Variants in DENND4A observed in about 807,000 individuals in gnomAD.
DENND4A encodes DENN domain containing 4A, also known as C-myc promoter-binding protein.
A neutral mutation model predicts 199.3 loss-of-function variants in DENND4A; 70 were observed. The ratio of observed to expected loss-of-function variants is 0.35; its 90% CI spans 0.29 to 0.43. The LOEUF is 0.43. Among genes scored for constraint, DENND4A ranks in the 20% least tolerant of loss-of-function variants. The probability of loss-of-function intolerance (pLI) is 1.00; values close to 1 mark genes in which losing one functional copy is unlikely to be tolerated. For synonymous variants in DENND4A, 686 were observed against 766.9 expected, an observed-to-expected ratio of 0.89 and a Z score of 1.74; for missense variants, 1,723 against 2,255.8, an observed-to-expected ratio of 0.76 and a Z score of 4.78.
intron 11 of DENND4A, among the ~76,000 whole-genome samples, chr15:65,728,640 C>T (rs144337305): frequency 9.0e-4 from 137 of 152,024 alleles, no homozygotes; most frequent in African/African-American, 2.9e-3. Flanking sequence ...TGCGCCACCA[C>T]GCTCAGCTAA....
chr15:65,723,870 A>T (rs2075722691), intron 11 of DENND4A, among the ~76,000 whole-genome samples: 1 of 152,176 alleles, frequency 6.6e-6, no homozygotes, highest in African/African-American at 2.4e-5. Context: ...AACCATGGAA[A>T]ACCAGACTGT....
chr15:65,760,598 AG>A, intron 2 of DENND4A, among the ~76,000 whole-genome samples: 1 of 151,858 alleles, frequency 6.6e-6, no homozygotes, highest in East Asian at 1.9e-4. Context: ...CGTAGAAAGA[AG>A]GGTAAGAGGC....
At position 65,769,947 on chromosome 15, in the gene DENND4A, GT is replaced by G. The variant is rs949845014; in HGVS notation, c.-101-8510del. On this transcript the variant is annotated intron_variant, in intron 1 of 32. Transcript: ENST00000443035. The stretch of plus-strand genomic sequence containing the variant: ...GCACCAAAAACTTCAATTTCCAGCT[GT>G]TTTTTTTTTCTAATTCATAATATGG... Among the ~76,000 whole-genome samples the G allele has an allele frequency of 3.9e-4, 57 of 147,976 alleles. 1 individual carries two copies. In the East Asian group the frequency reaches 6.9e-3, roughly 18 times the overall value.
intron 14 of DENND4A, among the ~76,000 whole-genome samples, chr15:65,710,550 G>A (rs1183466526): frequency 1.3e-5 from 2 of 151,860 alleles, no homozygotes. Flanking sequence ...ATTCAAAGTT[G>A]GTAATGCCAG....
chr15:65,792,158 G>A lies in DENND4A; in HGVS notation c.-250C>T, dbSNP rs974281191. 6.5e-6 allele frequency: 1 copy of A among 152,784 alleles called. No individual in the cohort carries two copies. Among genetic ancestry groups the A allele is most frequent in the Non-Finnish European group, 1.5e-5 (1 of 68,204 alleles). 9.5% of individuals were successfully genotyped at this position (152,784 alleles called of 1,614,324 possible). ...CCCAGCCCGGCGCTCCGCCCTTCGC[G>A]GCACCCCCGCCCGCCCGCCCAGGCC... On this transcript the variant is annotated 5_prime_UTR_variant, in exon 1 of 33. Coordinates refer to ENST00000443035, the MANE Select transcript of DENND4A (RefSeq NM_001320835.1).
chr15:65,775,449 T>C (rs972388861), intron 1 of DENND4A, among the ~76,000 whole-genome samples: 12 of 151,834 alleles, frequency 7.9e-5, no homozygotes, highest in African/African-American at 2.9e-4. Flanking sequence ...AAGACCAGCC[T>C]GGCCAACATA....
In DENND4A at chr15:65,702,951, T is replaced by C. The variant is rs752949806; in HGVS notation, c.2145A>G (p.Leu715=). The change falls in exon 16 of 33, where the codon CTA becomes CTG. Residue 715 remains leucine, a synonymous_variant. Transcript: ENST00000443035. ...AAGGCAATTTGTTCTTCTTTGCTTGTAGAAATCCTTCAGGTCTTTCAAATA... is the reference window on the plus strand; with the variant it reads ...AAGGCAATTTGTTCTTCTTTGCTTGCAGAAATCCTTCAGGTCTTTCAAATA... ...NNLFERPEGF[L]QAKKNKLPSK... is the part of the protein sequence containing the mutation. 4 of 1,613,250 alleles carry C rather than the reference T, an allele frequency of 2.5e-6. No homozygotes were observed. The highest frequency in any genetic ancestry group is 3.3e-5 in the Admixed American group (2 of 60,010).
At chr15:65,707,848 G>C (rs1207596342) in intron 14 of DENND4A, among the ~76,000 whole-genome samples, 1 of 152,074 alleles carries the variant, frequency 6.6e-6, no homozygotes, top group Non-Finnish European at 1.5e-5. Flanking sequence ...ACCACACCCA[G>C]CTAATTTTTA....
chr15:65,696,258 T>G, intron 22 of DENND4A, 108 bp downstream of exon 22: 1 of 1,386,776 alleles, frequency 7.2e-7, no homozygotes. Flanking sequence ...GCACAAAATA[T>G]TTTTTAAAAT....
chr15:65,697,366 C>T lies in DENND4A; in HGVS notation c.2851G>A (p.Gly951Arg). The change falls in exon 21 of 33, where the codon GGA becomes AGA. Residue 951 changes from glycine to arginine, a missense_variant. Physicochemically the swap from Gly to Arg is moderately radical, Grantham distance 125 (BLOSUM62 -2). This residue lies in a region of DENND4A where 650 missense variants were observed against 738.1 expected (regional missense o/e 0.88). Coordinates refer to ENST00000443035, the MANE Select transcript of DENND4A (RefSeq NM_001320835.1). ...RSSTGGQSDL[G>R]YNSLSKDEVR... is the part of the protein sequence containing the mutation. ...TCATCTTTAGATAATGAATTATATC[C>T]AAGATCAGACTGGCCACCTGGTAAA... 6.2e-7 allele frequency: 1 copy of T among 1,600,802 alleles called. No individual in the cohort carries two copies. The highest frequency in any genetic ancestry group is 8.5e-7 in the Non-Finnish European group (1 of 1,173,718).
intron 32 of DENND4A, among the ~76,000 whole-genome samples, chr15:65,663,595 C>T (rs909790937): frequency 9.9e-5 from 15 of 152,172 alleles, no homozygotes; most frequent in African/African-American, 3.6e-4. Context: ...CAGCTCTGCC[C>T]CTGGTAGCAT....
intron 28 of DENND4A, 102 bp from the exon 29 acceptor site, chr15:65,667,805 T>A: frequency 6.7e-7 from 1 of 1,488,510 alleles, no homozygotes; most frequent in Non-Finnish European, 9.1e-7. Context: ...TATAATTGTA[T>A]CATGGGATAA....
At position 65,691,385 on chromosome 15, in the gene DENND4A, AC is replaced by A; in HGVS notation, c.3208del (p.Val1070SerfsTer14). 1 of 1,613,566 alleles carries A rather than the reference AC, an allele frequency of 6.2e-7. No homozygotes were observed. The highest frequency in any genetic ancestry group is 2.2e-5 in the East Asian group (1 of 44,870). On this transcript the variant is annotated frameshift_variant, in exon 23 of 33. Transcript: ENST00000443035. LOFTEE classifies it high-confidence loss of function. ...AAGATTACGGTTTCTATTTCCCCAG[AC>A]CACTTGCTGCTGCAAATTAGTTTCA... ...DNETNLQQQV[V>X]WGNRNRNLSG...
rs147519899 is a variant in DENND4A, at chr15:65,768,887, G to A, written c.-101-7449C>T. Among the ~76,000 whole-genome samples, 723 of 151,920 alleles carry A rather than the reference G, an allele frequency of 4.8e-3. 8 individuals are homozygous for A. The highest frequency in any genetic ancestry group is 0.016 in the African/African-American group (679 of 41,436). On this transcript the variant is annotated intron_variant, in intron 1 of 32. Coordinates refer to ENST00000443035, the MANE Select transcript of DENND4A (RefSeq NM_001320835.1). ...CGGGTGCCTGTAATCCCAGGTACTC[G>A]GGTGGCTGAGACAGGAGAATTGCTT...
At chr15:65,765,679 A>T (rs564457350) in intron 1 of DENND4A, among the ~76,000 whole-genome samples, 1 of 152,334 alleles carries the variant, frequency 6.6e-6, no homozygotes, top group South Asian at 2.1e-4. Flanking sequence ...ACCAAAATCA[A>T]GATACAGTAC....
rs142005209 is a variant in DENND4A, at chr15:65,696,711, T to C, written c.2951-214A>G. The C allele has an allele frequency of 9.7e-4, 308 of 316,650 alleles. 2 individuals carry two copies. The highest frequency in any genetic ancestry group is 6.2e-3 in the African/African-American group (269 of 43,218). The allele number at this position is 316,650 out of a possible 1,614,324, so 19.6% of individuals were successfully genotyped here. On this transcript the variant is annotated intron_variant, in intron 21 of 32. Transcript: ENST00000443035. ...CAAACTACTGAATACTGATCATGCA[T>C]GAGGTCCATGCACAAATTTTATATT...
chr15:65,678,713 A>G (rs905753694), intron 23 of DENND4A, among the ~76,000 whole-genome samples: 1 of 152,130 alleles, frequency 6.6e-6, no homozygotes, highest in African/African-American at 2.4e-5. Context: ...TTGTTTTGAG[A>G]CAGTTTCACT....
intron 2 of DENND4A, among the ~76,000 whole-genome samples, chr15:65,757,442 T>TA: frequency 6.6e-6 from 1 of 152,126 alleles, no homozygotes; most frequent in Admixed American, 6.5e-5. Context: ...ACCACATAGA[T>TA]AGAGAATTGG....
chr15:65,761,936 C>G (rs1281006098), intron 1 of DENND4A, among the ~76,000 whole-genome samples: 1 of 152,194 alleles, frequency 6.6e-6, no homozygotes, highest in African/African-American at 2.4e-5. Flanking sequence ...TTCAAAGATA[C>G]TACAGTCAGC....
Sources: gnomAD v4.1 joint callset for allele counts (sites outside exome capture counted in the v4.1 genomes callset) on GRCh38, gnomAD v4.1.1 for gene constraint, gnomAD v4.1.1 regional missense constraint, MANE v1.5 for transcripts, NCBI Gene and HGNC (gene_info 2026-07-23, HGNC 2026-07-21) for gene names.